Variants in FUS observed in about 807,000 individuals in gnomAD.
FUS encodes the protein RNA-binding protein FUS.
FUS carries 5 observed loss-of-function variants against 82.7 expected under a neutral mutation model. The ratio of observed to expected loss-of-function variants is 0.06; its 90% confidence interval spans 0.03 to 0.13. The LOEUF is 0.13. Ranked by LOEUF, FUS falls within the 10% of genes least tolerant of loss-of-function variation. The probability of loss-of-function intolerance (pLI) is 1.00; values close to 1 mark genes in which losing one functional copy is unlikely to be tolerated. For missense variants in FUS, 512 were observed against 707.8 expected (o/e 0.72, Z 3.14); for synonymous variants, 281 against 247.4 (o/e 1.14, Z -1.27).
At chr16:31,187,316 T>C (rs1269744675) in intron 7 of FUS, 7 of 268,932 alleles carry the variant, frequency 2.6e-5, no homozygotes. Context: ...ATTTATAAAG[T>C]ACGGAATGGT....
chr16:31,183,463 G>A lies in FUS; in HGVS notation c.191-395G>A, dbSNP rs143161578. ...GGAGAAAATGGTTTTGTTTGAAAAT[G>A]TATGAAATCATGTGATACATAAGGA... On this transcript the variant is annotated intron_variant, in intron 3 of 14. Coordinates refer to ENST00000254108, the MANE Select transcript of FUS (RefSeq NM_004960.4). The A allele has an allele frequency of 4.1e-5, 9 of 222,142 alleles. No homozygotes were observed. The East Asian group carries it at 7.1e-4, about 18-fold the overall frequency. 13.8% of individuals were successfully genotyped at this position (222,142 alleles called of 1,614,324 possible). A position where few individuals can be genotyped will look rare whatever the true frequency, so the allele number is the denominator to read the frequency against.
intron 6 of FUS, 133 bp from the exon 7 acceptor site, chr16:31,186,669 G>GT (rs2079275260): frequency 1.3e-6 from 1 of 783,642 alleles, no homozygotes; most frequent in Non-Finnish European, 2.3e-6. Flanking sequence ...AGGAAGGGAT[G>GT]TATTTTAGTA....
Position 31,184,388 on chromosome 16 carries a change from G to A in FUS, c.515G>A (p.Gly172Glu). 6.2e-7 allele frequency: 1 copy of A among 1,613,242 alleles called. No homozygotes were observed. The highest frequency in any genetic ancestry group is 1.7e-4 in the Middle Eastern group (1 of 6,060). ...NSSSGGGGGG[G>E]GGGNYGQDQS... The stretch of plus-strand genomic sequence containing the variant: ...AGCAGTGGTGGTGGAGGTGGAGGTG[G>A]AGGTGGAGGTGAGATGTCTTCAGCT... Residue 172 changes from glycine to glutamate, a missense_variant, in exon 5 of 15, where the codon GGA becomes GAA. Coordinates refer to ENST00000254108, the MANE Select transcript of FUS (RefSeq NM_004960.4).
At chr16:31,193,452 T>C, downstream of FUS, 1 of 528,022 alleles carries the variant, frequency 1.9e-6, no homozygotes, top group Non-Finnish European at 3.7e-6. Context: ...AGTAGTTCAC[T>C]GTTGGTGCTT....
downstream of FUS, chr16:31,193,631 A>G: frequency 1.9e-6 from 1 of 529,402 alleles, no homozygotes. Context: ...AAAAGGAAAT[A>G]GGGTCCCAGG....
At chr16:31,183,824 G>C in intron 3 of FUS, 34 bp from the exon 4 acceptor site, 1 of 1,614,056 alleles carries the variant, frequency 6.2e-7, no homozygotes, top group East Asian at 2.2e-5. Context: ...CTTTCCTGGT[G>C]GCTTTTGTGA....
chr16:31,184,882 G>C, intron 5 of FUS, 57 bp from the exon 6 acceptor site: 1 of 1,574,374 alleles, frequency 6.4e-7, no homozygotes, highest in East Asian at 2.2e-5. Context: ...AAACCTTTTA[G>C]TGCTACTTTA....
At chr16:31,184,147 AG>A in intron 4 of FUS, 61 bp from the exon 5 acceptor site, 1 of 1,614,022 alleles carries the variant, frequency 6.2e-7, no homozygotes. Flanking sequence ...CTCCACTAAA[AG>A]TGAAAGGAAA....
At position 31,191,048 on chromosome 16, in the gene FUS, C is replaced by G. The variant is rs778436087; in HGVS notation, c.1479C>G (p.Gly493=). 6.2e-7 allele frequency: 1 copy of G among 1,613,372 alleles called. No individual in the cohort carries two copies. Among genetic ancestry groups the G allele is most frequent in the Non-Finnish European group, 8.5e-7 (1 of 1,179,958 alleles). ...GYRGRGGDRG[G]FRGGRGGGDR... ...GGGGCCGCGGCGGGGACCGTGGAGG[C>G]TTCCGAGGGGGCCGGGGTGGTGGGG... Residue 493 remains glycine (G), a synonymous_variant, in exon 14 of 15, where the codon GGC becomes GGG. Transcript: ENST00000254108.
chr16:31,186,873 G>T (rs2079278324), intron 7 of FUS, 37 bp downstream of exon 7: 1 of 1,580,092 alleles, frequency 6.3e-7, no homozygotes, highest in Non-Finnish European at 8.7e-7. Flanking sequence ...CCAACTCCCA[G>T]CAATGCTTTG....
chr16:31,191,091 C>G lies in FUS; in HGVS notation c.1522C>G (p.Pro508Ala), dbSNP rs754921968. The G allele has an allele frequency of 2.5e-6, 4 of 1,612,770 alleles. No individual in the cohort carries two copies. The highest frequency in any genetic ancestry group is 3.4e-6 in the Non-Finnish European group (4 of 1,179,984). ...RGGGDRGGFG[P>A]GKMDSRGEHR... ...TGGTGGGGACAGAGGTGGCTTTGGC[C>G]CTGGCAAGATGGATTCCAGGTAAGA... The change falls in exon 14 of 15, where the codon CCT becomes GCT. Residue 508 changes from proline to alanine, a missense_variant. Physicochemically the swap from Pro to Ala is conservative, Grantham distance 27 (BLOSUM62 -1). Transcript: ENST00000254108.
Position 31,190,103 on chromosome 16 carries a change from G to A in FUS, c.1130G>A (p.Arg377Gln), listed in dbSNP as rs1269972112. Residue 377 changes from arginine (R) to glutamine (Q), a missense_variant, in exon 11 of 15, where the codon CGG becomes CAG. Physicochemically the swap from Arg to Gln is conservative, Grantham distance 43. This residue lies in a region of FUS where 63 missense variants were observed against 83.0 expected (regional missense o/e 0.76). Transcript: ENST00000254108. ...GCTACTCGCCGGGCAGACTTTAATCGGGGTGGTGGCAATGGTCGTGGAGGC... is the reference window on the plus strand; with the variant it reads ...GCTACTCGCCGGGCAGACTTTAATCAGGGTGGTGGCAATGGTCGTGGAGGC... Reference protein sequence around the residue: ...SFATRRADFNRGGGNGRGGRG... With the variant: ...SFATRRADFNQGGGNGRGGRG... 1.2e-6 allele frequency: 2 copies of A among 1,613,960 alleles called. No homozygotes were observed. The highest frequency in any genetic ancestry group is 1.7e-6 in the Non-Finnish European group (2 of 1,179,998).
Position 31,184,885 on chromosome 16 carries a change from C to T in FUS, c.524-54C>T. ...TCAAACCTTTTCAAACCTTTTAGTG[C>T]TACTTTACAATCTTTTTGTTTTTTT... On this transcript the variant is annotated intron_variant, in intron 5 of 14. Transcript: ENST00000254108. 1.9e-6 allele frequency: 3 copies of T among 1,578,652 alleles called. No individual in the cohort carries two copies. In the South Asian group the frequency reaches 3.3e-5, roughly 17 times the overall value.
chr16:31,194,338 G>A (rs949995446), downstream of FUS: 13 of 522,820 alleles, frequency 2.5e-5, no homozygotes, highest in Admixed American at 1.8e-4. Flanking sequence ...ACCCAGGCTG[G>A]ATTGCAGTGG....
chr16:31,192,879 CAA>C (rs1186124531), downstream of FUS: 3 of 485,514 alleles, frequency 6.2e-6, no homozygotes, highest in African/African-American at 3.9e-5. Flanking sequence ...GCCATCCTCT[CAA>C]ATTTTCAAGT....
rs201544187 is a variant in FUS at position 31,188,403 on chromosome 16, C to G, written c.832+46C>G. 6.3e-4 allele frequency: 1,002 copies of G among 1,592,478 alleles called. 3 individuals carry two copies. Among genetic ancestry groups the G allele is most frequent in the Non-Finnish European group, 7.4e-4 (863 of 1,161,036 alleles). The stretch of plus-strand genomic sequence containing the variant: ...ATGAAAAGAGTGGCTAAAGTGGTAT[C>G]AAGACTGCCTGGATGTTCTTTGAAA... On this transcript the variant is annotated intron_variant, in intron 8 of 14. Coordinates refer to ENST00000254108, the MANE Select transcript of FUS (RefSeq NM_004960.4).
At chr16:31,184,706 G>A (rs1015392183) in intron 5 of FUS, among the ~76,000 whole-genome samples, 10 of 151,926 alleles carry the variant, frequency 6.6e-5, no homozygotes, top group African/African-American at 2.2e-4. Flanking sequence ...GCCTCCCAAA[G>A]TGCTGGGATT....
At chr16:31,188,266 C>T (rs1350276886) in intron 7 of FUS, 59 bp from the exon 8 acceptor site, 17 of 1,569,880 alleles carry the variant, frequency 1.1e-5, no homozygotes, top group East Asian at 2.2e-5. Context: ...TGTTGACTAA[C>T]GGCTCATCTT....
At chr16:31,192,431 A>G, downstream of FUS, 1 of 523,214 alleles carries the variant, frequency 1.9e-6, no homozygotes, top group Non-Finnish European at 3.7e-6. Context: ...ACAGAGCGTA[A>G]CATTAACCCA....
Sources: allele counts gnomAD v4.1 joint callset (sites outside exome capture counted in the v4.1 genomes callset), GRCh38; gene constraint gnomAD v4.1.1; regional missense constraint gnomAD v4.1.1; transcripts MANE v1.5; gene names NCBI Gene and HGNC (gene_info 2026-07-23, HGNC 2026-07-21).